FAM240C: variants seen among roughly 807,000 people sequenced by gnomAD.
The protein encoded by FAM240C is protein FAM240C.
In FAM240C, 14 loss-of-function variants were observed where a neutral mutation model predicts 10.0. The observed-to-expected ratio is 1.40, with a 90% CI of 0.92 to 2.19. The LOEUF (loss-of-function observed/expected upper bound fraction) is 2.19, where lower values mean the gene tolerates loss of function less well. FAM240C is among the 30% of genes most tolerant of loss of function. FAM240C has a pLI of 0.00. For missense variants in FAM240C, 154 were observed against 122.3 expected (o/e 1.26, Z -1.22); for synonymous variants, 49 against 44.3 (o/e 1.11, Z -0.42).
Position 241,894,206 on chromosome 2 carries a change from T to C in FAM240C, c.*7A>G. 1 of 1,548,678 alleles carries C rather than the reference T, an allele frequency of 6.5e-7. No homozygotes were observed. The highest frequency in any genetic ancestry group is 8.7e-7 in the Non-Finnish European group (1 of 1,145,722). ...AAGCTCATGCAGAGTCTGGAGCTCG[T>C]GGGCCCTCAGGCCGCCTTCTTGTCC... On this transcript the variant is annotated 3_prime_UTR_variant, in exon 3 of 3. Coordinates refer to ENST00000404031, the MANE Select transcript of FAM240C (RefSeq NM_001382368.1).
chr2:241,896,254 C>T (rs28425751), intron 2 of FAM240C, among the ~76,000 whole-genome samples: 34,691 of 152,066 alleles, frequency 0.23, 4,330 homozygotes, highest in South Asian at 0.32. Context: ...CACCCTGGGT[C>T]GGCTCAGGGT....
At chr2:241,900,557 C>A, upstream of FAM240C, 1 of 587,042 alleles carries the variant, frequency 1.7e-6, no homozygotes, top group Non-Finnish European at 3.1e-6. This position sits in a 1 kb window ranked among gnomAD's most constrained non-coding sequence, Gnocchi z 4.5. Flanking sequence ...CAGAGCTGTC[C>A]GTCCGGAGGG....
At chr2:241,894,383 G>T in intron 2 of FAM240C, 44 bp from the exon 3 acceptor site, 3 of 1,519,232 alleles carry the variant, frequency 2.0e-6, no homozygotes, top group Non-Finnish European at 2.7e-6. Flanking sequence ...CAAGCTCTCG[G>T]AACTTAGTGA....
At chr2:241,896,531 T>TAAG (rs1701812230) in intron 2 of FAM240C, among the ~76,000 whole-genome samples, 1 of 26,304 alleles carries the variant, frequency 3.8e-5, no homozygotes, top group Non-Finnish European at 7.4e-5. Flanking sequence ...GTGTGGGTGT[T>TAAG]GGGGTGTGGG....
At chr2:241,894,413 C>T in intron 2 of FAM240C, 74 bp from the exon 3 acceptor site, 1 of 1,478,594 alleles carries the variant, frequency 6.8e-7, no homozygotes, top group Non-Finnish European at 9.1e-7. Context: ...CCGTGTCTCT[C>T]AGCACCTGGG....
rs1201660246 is a variant in FAM240C, at chr2:241,897,282, G to T, written c.65C>A (p.Ser22Ter). The change falls in exon 2 of 3, where the codon TCA becomes TAA. Residue 22 changes from serine to a stop codon, truncating the protein, a stop_gained. Transcript: ENST00000404031. LOFTEE classifies it high-confidence loss of function. ...LKNPGRVAYDSGGIKMFWEKK... is the reference protein window; with the variant it reads ...LKNPGRVAYD ...CTCCCAAAACATCTTTATCCCGCCTGAATCGTATGCTACTCTTCCAGGATT... is the reference window on the plus strand; with the variant it reads ...CTCCCAAAACATCTTTATCCCGCCTTAATCGTATGCTACTCTTCCAGGATT... The T allele has an allele frequency of 8.4e-6, 13 of 1,549,736 alleles. No individual in the cohort carries two copies. Among genetic ancestry groups the T allele is most frequent in the Non-Finnish European group, 1.0e-5 (12 of 1,146,540 alleles).
intron 2 of FAM240C, among the ~76,000 whole-genome samples, chr2:241,896,976 C>G (rs1162201869): frequency 6.6e-6 from 1 of 151,840 alleles, no homozygotes; most frequent in Non-Finnish European, 1.5e-5. Context: ...TCATTTCCCA[C>G]CTACTGTTCC....
rs200035960 is a variant in FAM240C at position 241,895,971 on chromosome 2, G to GC, written c.161+1214_161+1215insG. On this transcript the variant is annotated intron_variant, in intron 2 of 2. Coordinates refer to ENST00000404031, the MANE Select transcript of FAM240C (RefSeq NM_001382368.1). ...GGGCAAGCACTCGGTGGTGGGGGGG[G>GC]GCCTCTCCTTCACCATCGTCTGCCG... Among the ~76,000 whole-genome samples the GC allele has an allele frequency of 3.9e-5, 6 of 152,062 alleles. No individual in the cohort carries two copies. In the South Asian group the frequency reaches 1.0e-3, roughly 26 times the overall value.
chr2:241,894,103 T>G lies in FAM240C; in HGVS notation c.*110A>C. Reference sequence around the variant, plus strand: ...CGGGGTCAGCGAGGTGCGGGCCATTTCCATGATGAAGATCCTGTGAACTCT... The same window carrying G: ...CGGGGTCAGCGAGGTGCGGGCCATTGCCATGATGAAGATCCTGTGAACTCT... On this transcript the variant is annotated 3_prime_UTR_variant, in exon 3 of 3. Coordinates refer to ENST00000404031, the MANE Select transcript of FAM240C (RefSeq NM_001382368.1). 4 of 1,302,050 alleles carry G rather than the reference T, an allele frequency of 3.1e-6. No homozygotes were observed. Among genetic ancestry groups the G allele is most frequent in the Non-Finnish European group, 4.2e-6 (4 of 961,862 alleles). The allele number at this position is 1,302,050 out of a possible 1,614,324, so 80.7% of individuals were successfully genotyped here.
intron 1 of FAM240C, among the ~76,000 whole-genome samples, chr2:241,898,485 G>A (rs1656512668): frequency 6.6e-6 from 1 of 152,240 alleles, no homozygotes; most frequent in Non-Finnish European, 1.5e-5. Context: ...CCGGGAGGTG[G>A]AGGTTGCAGT....
At chr2:241,897,745 T>C (rs989026662) in intron 1 of FAM240C, among the ~76,000 whole-genome samples, 1 of 152,224 alleles carries the variant, frequency 6.6e-6, no homozygotes, top group Non-Finnish European at 1.5e-5. Flanking sequence ...GTCCATCCCT[T>C]GTTTTTGAGA....
chr2:241,896,957 G>T (rs1701858552), intron 2 of FAM240C, among the ~76,000 whole-genome samples: 1 of 151,830 alleles, frequency 6.6e-6, no homozygotes, highest in African/African-American at 2.4e-5. Flanking sequence ...TTAGCAACGT[G>T]GTGTCTTGTC....
At chr2:241,895,240 C>T (rs1701765435) in intron 2 of FAM240C, among the ~76,000 whole-genome samples, 1 of 151,530 alleles carries the variant, frequency 6.6e-6, no homozygotes, top group Admixed American at 6.6e-5. Context: ...TGGTGGGGCC[C>T]AGGGCAGCTC....
At chr2:241,894,874 A>G (rs1701755640) in intron 2 of FAM240C, among the ~76,000 whole-genome samples, 2 of 152,112 alleles carry the variant, frequency 1.3e-5, no homozygotes, top group Non-Finnish European at 2.9e-5. Flanking sequence ...CGGCCTGGCC[A>G]CAGTGGACGG....
rs555337595 is a variant in FAM240C, at chr2:241,897,303, G to C, written c.44C>G (p.Pro15Arg). ...GCCTGAATCGTATGCTACTCTTCCAGGATTCTTAAGAGTGAGGCTTTTACT... is the reference window on the plus strand; with the variant it reads ...GCCTGAATCGTATGCTACTCTTCCACGATTCTTAAGAGTGAGGCTTTTACT... ...NMSKSLTLKNPGRVAYDSGGI... is the reference protein window; with the variant it reads ...NMSKSLTLKNRGRVAYDSGGI... Residue 15 changes from proline to arginine, a missense_variant, in exon 2 of 3, where the codon CCT becomes CGT. By Grantham distance (103) the Pro-to-Arg change is moderately radical. Coordinates refer to ENST00000404031, the MANE Select transcript of FAM240C (RefSeq NM_001382368.1). 6.5e-7 allele frequency: 1 copy of C among 1,549,740 alleles called. No individual in the cohort carries two copies. The highest frequency in any genetic ancestry group is 8.7e-7 in the Non-Finnish European group (1 of 1,146,478).
upstream of FAM240C, among the ~76,000 whole-genome samples, chr2:241,901,861 A>AC (rs1199820387): frequency 6.6e-6 from 1 of 152,312 alleles, no homozygotes; most frequent in South Asian, 2.1e-4. This position sits in a 1 kb window ranked among gnomAD's most constrained non-coding sequence, Gnocchi z 4.9. Context: ...GGGATTCCCC[A>AC]CCTGCCCTGG....
chr2:241,894,244 G>A lies in FAM240C; in HGVS notation c.257C>T (p.Ser86Phe). ...CGCCTTCTTGTCCTTGGTGTGGAGG[G>A]ACTCAGTGGCCTCCGGGACCCTGTC... ...CPDRVPEATE[S>F]LHTKDKKAA Residue 86 changes from serine to phenylalanine, a missense_variant, in exon 3 of 3, where the codon TCC (serine) becomes TTC (phenylalanine). Coordinates refer to ENST00000404031, the MANE Select transcript of FAM240C (RefSeq NM_001382368.1). The A allele has an allele frequency of 6.5e-7, 1 of 1,549,992 alleles. No homozygotes were observed. Among genetic ancestry groups the A allele is most frequent in the Non-Finnish European group, 8.7e-7 (1 of 1,146,782 alleles).
At chr2:241,899,052 C>G in intron 1 of FAM240C, 1 of 1,115,168 alleles carries the variant, frequency 9.0e-7, no homozygotes, top group Non-Finnish European at 1.2e-6. Flanking sequence ...GTGGCAGGAG[C>G]GCGGCCCGAG....
chr2:241,902,038 C>T (rs925761232), upstream of FAM240C, among the ~76,000 whole-genome samples: 1 of 152,206 alleles, frequency 6.6e-6, no homozygotes, highest in Non-Finnish European at 1.5e-5. The surrounding 1 kb of genome is among the most constrained non-coding windows in gnomAD (Gnocchi z 7.1). Context: ...TCTGATCTCC[C>T]CGTGTTTCGG....
Sources: allele counts gnomAD v4.1 joint callset (sites outside exome capture counted in the v4.1 genomes callset), GRCh38; gene constraint gnomAD v4.1.1; non-coding constraint Gnocchi (gnomAD v3.1); transcripts MANE v1.5; gene names NCBI Gene and HGNC (gene_info 2026-07-23, HGNC 2026-07-21).